The following NREP variants were observed in gnomAD, a reference collection of about 807,000 sequenced individuals.
The protein encoded by NREP is neuronal regeneration-related protein.
NREP carries 5 observed loss-of-function variants against 8.6 expected under a neutral mutation model. That is an observed-to-expected ratio of 0.58 (90% CI 0.30 to 1.22). The LOEUF (loss-of-function observed/expected upper bound fraction) is 1.22, where lower values mean the gene tolerates loss of function less well. NREP is among the 50% of genes most tolerant of loss of function. The pLI, the probability that NREP is intolerant of heterozygous loss-of-function variation, is 0.07. For synonymous variants in NREP, 27 were observed against 28.0 expected, an observed-to-expected ratio of 0.96 and a Z score of 0.11; for missense variants, 86 against 82.5, an observed-to-expected ratio of 1.04 and a Z score of -0.17.
chr5:111,912,177 G>A (rs1033347793), intron 2 of NREP, among the ~76,000 whole-genome samples: 18 of 151,924 alleles, frequency 1.2e-4, no homozygotes, highest in African/African-American at 3.6e-4. Context: ...GCACACATTC[G>A]TATGGTAACA....
chr5:111,819,330 A>C (rs1362808047), intron 2 of NREP, among the ~76,000 whole-genome samples: 4 of 152,116 alleles, frequency 2.6e-5, no homozygotes, highest in African/African-American at 9.7e-5. Context: ...ATTAGCATAG[A>C]CTGTGTGGTC....
intron 2 of NREP, among the ~76,000 whole-genome samples, chr5:111,871,934 T>C (rs1385020423): frequency 1.3e-5 from 2 of 149,786 alleles, no homozygotes; most frequent in Non-Finnish European, 3.0e-5. Flanking sequence ...TGTGTATATA[T>C]ATCCTATTGG....
chr5:111,766,940 C>T (rs1390576626), intron 2 of NREP, among the ~76,000 whole-genome samples: 1 of 152,182 alleles, frequency 6.6e-6, no homozygotes, highest in Non-Finnish European at 1.5e-5. Flanking sequence ...TTCCTTCTGT[C>T]AAAAAATTTA....
chr5:111,840,619 A>G (rs1003799696), intron 2 of NREP, among the ~76,000 whole-genome samples: 1 of 152,130 alleles, frequency 6.6e-6, no homozygotes, highest in Non-Finnish European at 1.5e-5. Context: ...CACAGGTTAG[A>G]TTAGCTTAAG....
At chr5:111,895,693 T>G (rs1042714519) in intron 2 of NREP, among the ~76,000 whole-genome samples, 1 of 152,164 alleles carries the variant, frequency 6.6e-6, no homozygotes, top group Non-Finnish European at 1.5e-5. Flanking sequence ...TGCAGGGTGC[T>G]GTCCTGTATC....
intron 2 of NREP, among the ~76,000 whole-genome samples, chr5:111,968,599 C>T (rs1416128097): frequency 6.6e-6 from 1 of 152,154 alleles, no homozygotes; most frequent in African/African-American, 2.4e-5. Context: ...GAAAGAGCTT[C>T]AGGAATGTCT....
At chr5:111,749,463 C>T (rs1750217164) in intron 2 of NREP, among the ~76,000 whole-genome samples, 1 of 151,948 alleles carries the variant, frequency 6.6e-6, no homozygotes, top group South Asian at 2.1e-4. Context: ...CTTGGCTTTA[C>T]TCGATTTTCG....
chr5:111,861,608 G>T (rs1407970679), intron 2 of NREP, among the ~76,000 whole-genome samples: 1 of 152,088 alleles, frequency 6.6e-6, no homozygotes, highest in Non-Finnish European at 1.5e-5. Flanking sequence ...TTAGATTTCA[G>T]AACTATGAGA....
intron 2 of NREP, among the ~76,000 whole-genome samples, chr5:111,824,391 A>T (rs145745659): frequency 2.4e-3 from 365 of 152,244 alleles, no homozygotes; most frequent in African/African-American, 8.1e-3. Flanking sequence ...AATAAATAAA[A>T]AATATGTTTT....
At chr5:111,845,520 G>T (rs574170804) in intron 2 of NREP, among the ~76,000 whole-genome samples, 12 of 151,992 alleles carry the variant, frequency 7.9e-5, no homozygotes, top group Non-Finnish European at 1.6e-4. Flanking sequence ...ATTTCAATTT[G>T]TACACAATTA....
At chr5:111,792,225 C>T (rs1751765913) in intron 2 of NREP, among the ~76,000 whole-genome samples, 1 of 152,152 alleles carries the variant, frequency 6.6e-6, no homozygotes, top group South Asian at 2.1e-4. Flanking sequence ...CTCTTGTAGT[C>T]TGCATGAATG....
chr5:111,925,287 C>A (rs1755355545), intron 2 of NREP, among the ~76,000 whole-genome samples: 1 of 151,384 alleles, frequency 6.6e-6, no homozygotes, highest in Non-Finnish European at 1.5e-5. Flanking sequence ...TCTCTGCAGG[C>A]AGTCCGACCT....
intron 2 of NREP, among the ~76,000 whole-genome samples, chr5:111,877,931 G>C (rs1173627730): frequency 6.6e-6 from 1 of 152,216 alleles, no homozygotes; most frequent in African/African-American, 2.4e-5. Context: ...CTATGTGAAA[G>C]AGAGGGACAA....
At chr5:111,787,191 C>G (rs577596490) in intron 2 of NREP, among the ~76,000 whole-genome samples, 1 of 152,250 alleles carries the variant, frequency 6.6e-6, no homozygotes, top group Non-Finnish European at 1.5e-5. Context: ...GCTCAAGGTC[C>G]CCACAACCAC....
chr5:111,800,846 A>G (rs1174949162), intron 2 of NREP, among the ~76,000 whole-genome samples: 3 of 152,252 alleles, frequency 2.0e-5, no homozygotes, highest in Non-Finnish European at 4.4e-5. Flanking sequence ...ACAACCCGTT[A>G]CATGCATGTT....
chr5:111,751,930 C>T (rs1049488794), intron 2 of NREP, among the ~76,000 whole-genome samples: 2 of 152,158 alleles, frequency 1.3e-5, no homozygotes, highest in African/African-American at 2.4e-5. Context: ...CACGAAGTTA[C>T]GCCAAGGATC....
intron 2 of NREP, among the ~76,000 whole-genome samples, chr5:111,814,981 A>G (rs1044178428): frequency 1.3e-5 from 2 of 151,884 alleles, no homozygotes; most frequent in Middle Eastern, 3.4e-3. Flanking sequence ...AAAAAAAGGA[A>G]TACCAAAGGA....
intron 2 of NREP, among the ~76,000 whole-genome samples, chr5:111,886,299 A>G (rs1052961301): frequency 4.6e-5 from 7 of 152,166 alleles, no homozygotes; most frequent in African/African-American, 7.2e-5. Flanking sequence ...TTAGAATGGC[A>G]GTCATTAAAA....
chr5:111,956,328 G>A (rs1385786499), intron 2 of NREP, among the ~76,000 whole-genome samples: 2 of 151,836 alleles, frequency 1.3e-5, no homozygotes, highest in Non-Finnish European at 2.9e-5. Flanking sequence ...ATTTTAAAAG[G>A]TGTATATTTA....
Sources: allele counts gnomAD v4.1 joint callset (sites outside exome capture counted in the v4.1 genomes callset), GRCh38; gene constraint gnomAD v4.1.1; transcripts MANE v1.5; gene names NCBI Gene and HGNC (gene_info 2026-07-23, HGNC 2026-07-21).